COL21A1: variants seen among roughly 807,000 people sequenced by gnomAD.
COL21A1 encodes collagen alpha-1(XXI) chain.
A neutral mutation model predicts 137.9 loss-of-function variants in COL21A1; 149 were observed. The observed-to-expected ratio is 1.08, with a 90% CI of 0.95 to 1.24. The LOEUF is 1.24. Ranked by LOEUF, COL21A1 falls within the 50% of genes most tolerant of loss-of-function variation. COL21A1 has a pLI of 0.00. For missense variants in COL21A1, 1,167 were observed against 1,158.4 expected (o/e 1.01, Z -0.11); for synonymous variants, 456 against 391.5 (o/e 1.16, Z -1.95).
chr6:56,057,613 C>A lies in COL21A1; in HGVS notation c.*44G>T, dbSNP rs1562127237. On this transcript the variant is annotated 3_prime_UTR_variant, in exon 30 of 30. Transcript: ENST00000244728. Reference sequence around the variant, plus strand: ...TATCTTCCTGAGATGCAAAAGACCACAGAAAAAGCACCATGCCTAGGCTGC... The same window carrying A: ...TATCTTCCTGAGATGCAAAAGACCAAAGAAAAAGCACCATGCCTAGGCTGC... The A allele has an allele frequency of 1.3e-6, 2 of 1,587,810 alleles. No individual in the cohort carries two copies. The highest frequency in any genetic ancestry group is 2.2e-5 in the South Asian group (2 of 89,758).
chr6:56,240,851 A>G (rs1782263285), intron 1 of COL21A1, among the ~76,000 whole-genome samples: 1 of 152,186 alleles, frequency 6.6e-6, no homozygotes, highest in Non-Finnish European at 1.5e-5. Flanking sequence ...CATTATCTAA[A>G]TAGTAGTGTA....
intron 1 of COL21A1, among the ~76,000 whole-genome samples, chr6:56,267,785 G>T (rs1280704493): frequency 1.5e-5 from 2 of 133,426 alleles, no homozygotes; most frequent in African/African-American, 2.6e-5. Context: ...AGAAGAAGAA[G>T]AAGAAGAGAG....
chr6:56,116,900 T>C (rs934524794), intron 16 of COL21A1, among the ~76,000 whole-genome samples: 9 of 151,916 alleles, frequency 5.9e-5, no homozygotes, highest in African/African-American at 2.2e-4. Context: ...TTTAAAATAA[T>C]GGGTTATAAA....
In COL21A1 at chr6:56,096,285, G is replaced by A. The variant is rs540422174; in HGVS notation, c.1812+5187C>T. 4.3e-4 allele frequency among the ~76,000 whole-genome samples: 66 copies of A among 152,076 alleles called. 1 individual carries two copies. Among genetic ancestry groups the A allele is most frequent in the African/African-American group, 1.3e-3 (55 of 41,486 alleles). ...ATTCATACTGTGTTGCCATCTATTG[G>A]CTCATTTGACTCCTTGATGGCCAGG... On this transcript the variant is annotated intron_variant, in intron 17 of 29. Transcript: ENST00000244728.
intron 19 of COL21A1, 28 bp from the exon 20 acceptor site, chr6:56,074,313 G>T: frequency 2.7e-6 from 4 of 1,471,520 alleles, no homozygotes; most frequent in Non-Finnish European, 3.7e-6. Context: ...AATTTCAAGA[G>T]TAACTTAGAG....
rs890286486 is a variant in COL21A1, at chr6:56,097,750, T to A, written c.1812+3722A>T. ...CTTCTAAGCACTCCTCATTTTATAT[T>A]TTTTATATATATATAAATATATATA... is the stretch of plus-strand genomic sequence containing the variant. On this transcript the variant is annotated intron_variant, in intron 17 of 29. Coordinates refer to ENST00000244728, the MANE Select transcript of COL21A1 (RefSeq NM_030820.4). Among the ~76,000 whole-genome samples, 29 of 129,872 alleles carry A rather than the reference T, an allele frequency of 2.2e-4. No homozygotes were observed. In the East Asian group the frequency reaches 5.3e-3, roughly 24 times the overall value. 85.2% of individuals were successfully genotyped at this position (129,872 alleles called of 152,430 possible).
chr6:56,308,604 G>A lies in COL21A1; in HGVS notation c.-39+85367C>T, dbSNP rs556424058. ...GGAAATGCAAAGTTGCTACTCAAAG[G>A]ACGTGAAGTTTCAGTCAAGCAAGAT... On this transcript the variant is annotated intron_variant, in intron 1 of 28. Transcript: ENST00000370819. Among the ~76,000 whole-genome samples the A allele has an allele frequency of 6.3e-4, 96 of 152,298 alleles. 1 individual carries two copies. The highest frequency in any genetic ancestry group is 2.2e-3 in the African/African-American group (92 of 41,550).
At chr6:56,087,813 C>G (rs556286131) in intron 17 of COL21A1, among the ~76,000 whole-genome samples, 1 of 152,240 alleles carries the variant, frequency 6.6e-6, no homozygotes, top group African/African-American at 2.4e-5. Context: ...TAGGACAATT[C>G]TATCTGCATT....
At chr6:56,217,562 T>C (rs992936561) in intron 1 of COL21A1, among the ~76,000 whole-genome samples, 2 of 152,126 alleles carry the variant, frequency 1.3e-5, no homozygotes, top group Admixed American at 6.6e-5. Context: ...GTTTAGCAGA[T>C]AGAATCTGAA....
chr6:56,385,028 G>A (rs1170301536), intron 1 of COL21A1, among the ~76,000 whole-genome samples: 3 of 152,218 alleles, frequency 2.0e-5, no homozygotes, highest in African/African-American at 7.2e-5. Context: ...TCTCAACTGA[G>A]TCCTGCAGAA....
At chr6:56,261,192 G>C (rs996570426) in intron 1 of COL21A1, among the ~76,000 whole-genome samples, 5 of 151,820 alleles carry the variant, frequency 3.3e-5, no homozygotes, top group Non-Finnish European at 5.9e-5. Flanking sequence ...GGTCATCCTG[G>C]CACTCACTAG....
chr6:56,249,505 T>C (rs2152328807), upstream of COL21A1, among the ~76,000 whole-genome samples: 1 of 152,282 alleles, frequency 6.6e-6, no homozygotes, highest in South Asian at 2.1e-4. Flanking sequence ...AAGTGTTATA[T>C]CGCTACAATG....
In COL21A1 at chr6:56,245,645, C is replaced by T. The variant is rs147868549; in HGVS notation, c.-39+1742G>A. Among the ~76,000 whole-genome samples, 26 of 152,294 alleles carry T rather than the reference C, an allele frequency of 1.7e-4. No individual in the cohort carries two copies. In the Middle Eastern group the frequency reaches 0.01, roughly 60 times the overall value. ...GAATTATGAGGTAAGTGTACTAGTA[C>T]GCCCCACATTTCACAGATAAGGAAA... is the stretch of plus-strand genomic sequence containing the variant. On this transcript the variant is annotated intron_variant, in intron 1 of 29. Coordinates refer to ENST00000244728, the MANE Select transcript of COL21A1 (RefSeq NM_030820.4).
At chr6:56,376,492 G>A (rs777895180) in intron 1 of COL21A1, among the ~76,000 whole-genome samples, 14 of 151,844 alleles carry the variant, frequency 9.2e-5, no homozygotes, top group Non-Finnish European at 1.8e-4. Flanking sequence ...ATGCAGAGGG[G>A]AATAAATCAG....
chr6:56,304,772 T>G (rs1350563048), intron 1 of COL21A1, among the ~76,000 whole-genome samples: 1 of 152,222 alleles, frequency 6.6e-6, no homozygotes, highest in Non-Finnish European at 1.5e-5. Context: ...TGCCTTCTGC[T>G]AGCTTTTGAA....
intron 1 of COL21A1, among the ~76,000 whole-genome samples, chr6:56,384,202 G>T (rs1384426895): frequency 6.6e-6 from 1 of 152,110 alleles, no homozygotes; most frequent in African/African-American, 2.4e-5. Flanking sequence ...GTGCTTCCTT[G>T]AACAGGCATT....
chr6:56,259,397 C>T (rs1763193344), intron 1 of COL21A1, among the ~76,000 whole-genome samples: 1 of 152,222 alleles, frequency 6.6e-6, no homozygotes, highest in African/African-American at 2.4e-5. Flanking sequence ...CATTCTAGTA[C>T]ATTCCCATCA....
chr6:56,229,474 A>G (rs1033017779), intron 1 of COL21A1, among the ~76,000 whole-genome samples: 1 of 152,056 alleles, frequency 6.6e-6, no homozygotes, highest in Non-Finnish European at 1.5e-5. Context: ...ACTCTGCTCC[A>G]CCAGCAAAAC....
chr6:56,242,966 A>G (rs1782424205), intron 1 of COL21A1, among the ~76,000 whole-genome samples: 1 of 152,178 alleles, frequency 6.6e-6, no homozygotes, highest in South Asian at 2.1e-4. Flanking sequence ...CAGTTGAATG[A>G]AAAGTGTACT....
Sources: gnomAD v4.1 joint callset for allele counts (sites outside exome capture counted in the v4.1 genomes callset) on GRCh38, gnomAD v4.1.1 for gene constraint, MANE v1.5 for transcripts, NCBI Gene and HGNC (gene_info 2026-07-23, HGNC 2026-07-21) for gene names.